The following ULK4 variants were observed in gnomAD, a reference collection of about 807,000 sequenced individuals.
ULK4 encodes the protein unc-51 like kinase 4.
A neutral mutation model predicts 160.6 loss-of-function variants in ULK4; 133 were observed. The ratio of observed to expected loss-of-function variants is 0.83; its 90% confidence interval spans 0.72 to 0.96. ULK4 has a LOEUF of 0.96. Among genes scored for constraint, ULK4 ranks in the 40% least tolerant of loss-of-function variants. The probability of loss-of-function intolerance (pLI) is 0.00; values close to 1 mark genes in which losing one functional copy is unlikely to be tolerated. For missense variants in ULK4, 1,580 were observed against 1,499.5 expected (o/e 1.05, Z -0.89); for synonymous variants, 534 against 539.8 (o/e 0.99, Z 0.15).
intron 17 of ULK4, among the ~76,000 whole-genome samples, chr3:41,850,733 A>G (rs1275782267): frequency 1.3e-5 from 2 of 152,144 alleles, no homozygotes; most frequent in African/African-American, 4.8e-5. Context: ...AGTAGGTTGC[A>G]AAAATTTTCT....
chr3:41,486,176 G>A, intron 32 of ULK4, among the ~76,000 whole-genome samples: 1 of 151,898 alleles, frequency 6.6e-6, no homozygotes, highest in East Asian at 1.9e-4. Context: ...ATTCCACAGG[G>A]GCAGGAATAT....
chr3:41,437,470 C>T (rs1223756649), intron 34 of ULK4, among the ~76,000 whole-genome samples: 2 of 152,182 alleles, frequency 1.3e-5, no homozygotes, highest in African/African-American at 4.8e-5. Context: ...TTGGGTATCT[C>T]TGGTGTGTAA....
intron 34 of ULK4, among the ~76,000 whole-genome samples, chr3:41,452,356 G>T (rs2083442315): frequency 1.3e-5 from 2 of 152,176 alleles, no homozygotes; most frequent in Non-Finnish European, 2.9e-5. Flanking sequence ...ATAGACGCCT[G>T]TTCAACAAAC....
intron 17 of ULK4, 72 bp downstream of exon 17, chr3:41,883,802 C>A (rs561001882): frequency 2.3e-6 from 3 of 1,294,668 alleles, no homozygotes; most frequent in Non-Finnish European, 3.4e-6. Flanking sequence ...GTGAAAGCTG[C>A]AGGTTCTAAA....
chr3:41,442,081 A>AGG (rs2083184264), intron 34 of ULK4, among the ~76,000 whole-genome samples: 2 of 152,128 alleles, frequency 1.3e-5, no homozygotes, highest in Admixed American at 1.3e-4. Flanking sequence ...GCTTCTTGTA[A>AGG]GCAGTATATA....
chr3:41,291,091 C>T (rs2079552297), intron 35 of ULK4, among the ~76,000 whole-genome samples: 1 of 152,048 alleles, frequency 6.6e-6, no homozygotes, highest in African/African-American at 2.4e-5. Flanking sequence ...GTGATCCTTG[C>T]AAGTCCCGAC....
chr3:41,336,793 G>A (rs890802929), intron 35 of ULK4, among the ~76,000 whole-genome samples: 9 of 152,086 alleles, frequency 5.9e-5, no homozygotes, highest in African/African-American at 1.7e-4. Flanking sequence ...TCAAATCAAC[G>A]CTCGCTGTGT....
At chr3:41,491,307 T>C (rs147174534) in intron 32 of ULK4, among the ~76,000 whole-genome samples, 18 of 140,494 alleles carry the variant, frequency 1.3e-4, no homozygotes, top group African/African-American at 4.8e-4. Flanking sequence ...TACAAAGTTG[T>C]TTTGGAAAAA....
rs541530759 is a variant in ULK4, at chr3:41,845,725, T to C, written c.1657-9754A>G. On this transcript the variant is annotated intron_variant, in intron 17 of 36. Transcript: ENST00000301831. ...TCTATTATTTCTTACAGAGAGAAAC[T>C]ATTATTATTCTATATTATTTGTAAT... 6.6e-5 allele frequency among the ~76,000 whole-genome samples: 10 copies of C among 152,338 alleles called. No homozygotes were observed. The East Asian group carries it at 1.9e-3, about 29-fold the overall frequency.
At chr3:41,355,725 A>G (rs746851032) in intron 35 of ULK4, among the ~76,000 whole-genome samples, 7 of 152,238 alleles carry the variant, frequency 4.6e-5, no homozygotes, top group Non-Finnish European at 1.0e-4. Context: ...TTCACAGTCC[A>G]TGGAATAGTG....
chr3:41,600,987 CAA>C, intron 31 of ULK4, among the ~76,000 whole-genome samples: 1 of 152,102 alleles, frequency 6.6e-6, no homozygotes, highest in East Asian at 1.9e-4. Flanking sequence ...GCACTTGAAT[CAA>C]GAGATCAGGA....
intron 30 of ULK4, among the ~76,000 whole-genome samples, chr3:41,618,867 A>G (rs2033107243): frequency 1.3e-5 from 2 of 152,128 alleles, no homozygotes; most frequent in South Asian, 4.2e-4. Context: ...GGGGTGCTGT[A>G]TTCAGGAGAC....
At chr3:41,879,670 G>A (rs1224033135) in intron 17 of ULK4, among the ~76,000 whole-genome samples, 1 of 152,032 alleles carries the variant, frequency 6.6e-6, no homozygotes, top group South Asian at 2.1e-4. Context: ...TAGAGACAGG[G>A]TCTCCTTATG....
chr3:41,388,027 C>T (rs1004390139), intron 35 of ULK4, among the ~76,000 whole-genome samples: 4 of 152,178 alleles, frequency 2.6e-5, no homozygotes, highest in Non-Finnish European at 5.9e-5. Context: ...ACATCCTCTC[C>T]AGCACCTGTT....
At chr3:41,712,145 G>A (rs1454755192) in intron 25 of ULK4, among the ~76,000 whole-genome samples, 2 of 152,130 alleles carry the variant, frequency 1.3e-5, no homozygotes, top group Non-Finnish European at 2.9e-5. Context: ...ATTAATTCTT[G>A]TATTTATGCC....
chr3:41,866,055 C>T (rs1696855073), intron 17 of ULK4, among the ~76,000 whole-genome samples: 1 of 150,198 alleles, frequency 6.7e-6, no homozygotes. Flanking sequence ...AACTCAGATA[C>T]AGATGTTTAC....
At chr3:41,395,174 T>C (rs2082030098) in intron 35 of ULK4, among the ~76,000 whole-genome samples, 2 of 143,466 alleles carry the variant, frequency 1.4e-5, no homozygotes, top group African/African-American at 5.3e-5. Flanking sequence ...AATATCACAT[T>C]ATGATTGAAA....
intron 30 of ULK4, among the ~76,000 whole-genome samples, chr3:41,659,522 C>T (rs536991732): frequency 2.0e-5 from 3 of 152,286 alleles, no homozygotes; most frequent in Admixed American, 6.5e-5. Flanking sequence ...GTTAAAATTA[C>T]TCTGAAATAA....
At chr3:41,422,342 TG>T (rs2082681471) in intron 34 of ULK4, among the ~76,000 whole-genome samples, 1 of 152,174 alleles carries the variant, frequency 6.6e-6, no homozygotes, top group Non-Finnish European at 1.5e-5. Flanking sequence ...AAGATTTCTT[TG>T]TTGGATCTTT....
Sources: gnomAD v4.1 joint callset for allele counts (sites outside exome capture counted in the v4.1 genomes callset) on GRCh38, gnomAD v4.1.1 for gene constraint, MANE v1.5 for transcripts, NCBI Gene and HGNC (gene_info 2026-07-23, HGNC 2026-07-21) for gene names.